Variants in COA8 observed in about 807,000 individuals in gnomAD.
COA8 encodes the protein UPF0671 protein C14orf153.
Under a neutral mutation model 22.0 loss-of-function variants are expected in COA8, and 20 were observed. The observed-to-expected ratio is 0.91, with a 90% CI of 0.64 to 1.32. The LOEUF (loss-of-function observed/expected upper bound fraction) is 1.32, where lower values mean the gene tolerates loss of function less well. Among genes scored for constraint, COA8 ranks in the 40% most tolerant of loss-of-function variants. The pLI is 0.00. For missense variants in COA8, 266 were observed against 230.0 expected, an observed-to-expected ratio of 1.16 and a Z score of -1.01; for synonymous variants, 105 against 79.9, an observed-to-expected ratio of 1.31 and a Z score of -1.68.
chr14:103,565,616 T>A (rs950791957), intron 1 of COA8, among the ~76,000 whole-genome samples: 3 of 151,024 alleles, frequency 2.0e-5, no homozygotes, highest in African/African-American at 4.9e-5. Flanking sequence ...CCTTTTTTTT[T>A]AATTTTTTTT....
intron 1 of COA8, 163 bp downstream of exon 1, chr14:103,563,287 C>T: frequency 2.1e-6 from 2 of 956,382 alleles, no homozygotes; most frequent in Non-Finnish European, 3.2e-6. Context: ...GCTCCCGCAT[C>T]AACGCCCTCA....
intron 3 of COA8, among the ~76,000 whole-genome samples, chr14:103,585,595 G>C (rs868008367): frequency 1.9e-5 from 1 of 52,584 alleles, no homozygotes; most frequent in Non-Finnish European, 3.9e-5. Context: ...TTTTTTTTTT[G>C]AAACAGAGTC....
chr14:103,588,442 T>C (rs889377840), intron 4 of COA8, among the ~76,000 whole-genome samples: 2 of 150,340 alleles, frequency 1.3e-5, no homozygotes, highest in African/African-American at 4.9e-5. Flanking sequence ...AGTAAGACCC[T>C]GTCTCAATAA....
intron 1 of COA8, among the ~76,000 whole-genome samples, chr14:103,569,524 T>A (rs78755177): frequency 0.021 from 3,177 of 152,292 alleles, 58 homozygotes; most frequent in Non-Finnish European, 0.029. Flanking sequence ...GGTGGCTCCT[T>A]TAACATTTCC....
intron 3 of COA8, among the ~76,000 whole-genome samples, chr14:103,577,715 C>CA (rs2076239275): frequency 6.6e-6 from 1 of 150,694 alleles, no homozygotes; most frequent in Non-Finnish European, 1.5e-5. Flanking sequence ...CCTTTGTCTA[C>CA]AAAAAATTTA....
intron 4 of COA8, among the ~76,000 whole-genome samples, chr14:103,588,735 A>G (rs2076329651): frequency 6.6e-6 from 1 of 151,956 alleles, no homozygotes; most frequent in African/African-American, 2.4e-5. Flanking sequence ...TCCCAGCTAC[A>G]GGAGGCTGAG....
At chr14:103,566,099 C>T (rs2076133333) in intron 1 of COA8, among the ~76,000 whole-genome samples, 1 of 152,176 alleles carries the variant, frequency 6.6e-6, no homozygotes, top group Non-Finnish European at 1.5e-5. Flanking sequence ...TTAACCCCAT[C>T]TTCTTTCTGG....
At position 103,590,260 on chromosome 14, in the gene COA8, C is replaced by G; in HGVS notation, c.556C>G (p.Gln186Glu). ...GGAAAGGATTTGGAACAAGCTTAAA[C>G]AGAAACAAAAGAAGAGGAGCAACTA... ...ALERIWNKLK[Q>E]KQKKRSN Residue 186 changes from glutamine to glutamate, a missense_variant, in exon 5 of 5, where the codon CAG becomes GAG. By Grantham distance (29) the Gln-to-Glu change is conservative (BLOSUM62 2). Transcript: ENST00000409074. 1 of 1,614,078 alleles carries G rather than the reference C, an allele frequency of 6.2e-7. No individual in the cohort carries two copies. Among genetic ancestry groups the G allele is most frequent in the Non-Finnish European group, 8.5e-7 (1 of 1,179,948 alleles).
chr14:103,571,853 T>C lies in COA8; in HGVS notation c.321+33T>C, dbSNP rs569674343. 1.8e-5 allele frequency: 29 copies of C among 1,591,956 alleles called. No homozygotes were observed. In the African/African-American group the frequency reaches 3.5e-4, roughly 19 times the overall value. ...TAAGTTTTAGATCAGAACGGAAGGG[T>C]GCGGTGGCTCACGCCTGTAATCCCA... On this transcript the variant is annotated intron_variant, in intron 2 of 4. Coordinates refer to ENST00000409074, the MANE Select transcript of COA8 (RefSeq NM_001370595.2).
chr14:103,573,970 A>G, intron 2 of COA8, 137 bp from the exon 3 acceptor site: 1 of 1,127,978 alleles, frequency 8.9e-7, no homozygotes, highest in South Asian at 1.8e-5. Context: ...GAGCTTTGAG[A>G]TGGGTCACTA....
rs192040402 is a variant in COA8, at chr14:103,588,070, C to T, written c.476+706C>T. On this transcript the variant is annotated intron_variant, in intron 4 of 4. Coordinates refer to ENST00000409074, the MANE Select transcript of COA8 (RefSeq NM_001370595.2). ...GGTGGAGGTTGCGGTGAGCTGAGAT[C>T]GTGCCATTGCACTCCAGTCTGGGCA... 1.1e-3 allele frequency: 260 copies of T among 229,702 alleles called. 5 individuals are homozygous for T. In the East Asian group the frequency reaches 0.014, roughly 12 times the overall value. The allele number at this position is 229,702 out of a possible 1,614,324, so 14.2% of individuals were successfully genotyped here.
In COA8 at chr14:103,571,734, T is replaced by C; in HGVS notation, c.235T>C (p.Leu79=). The C allele has an allele frequency of 6.2e-7, 1 of 1,614,178 alleles. No homozygotes were observed. The highest frequency in any genetic ancestry group is 8.5e-7 in the Non-Finnish European group (1 of 1,180,016). The change falls in exon 2 of 5, where the codon TTG becomes CTG. Residue 79 remains leucine, a synonymous_variant. Coordinates refer to ENST00000409074, the MANE Select transcript of COA8 (RefSeq NM_001370595.2). ...HFYIPENESP[L]EQKLRKLRQE... ...TTACATACCTGAAAATGAATCTCCA[T>C]TGGAACAAAAGCTTAGAAAATTAAG...
chr14:103,563,344 G>A, intron 1 of COA8: 2 of 711,924 alleles, frequency 2.8e-6, no homozygotes, highest in Non-Finnish European at 2.5e-6. Flanking sequence ...GGGGACTGTT[G>A]ACAGCCAGAA....
At position 103,574,783 on chromosome 14, in the gene COA8, C is replaced by T. The variant is rs189881974; in HGVS notation, c.385+613C>T. On this transcript the variant is annotated intron_variant, in intron 3 of 4. Transcript: ENST00000409074. Reference sequence around the variant, plus strand: ...TGGCTGCTGGAGAGGTGGGGTCTTGCGGGCCCTGGAGAGGTGGGGTCTTGT... The same window carrying T: ...TGGCTGCTGGAGAGGTGGGGTCTTGTGGGCCCTGGAGAGGTGGGGTCTTGT... 3 of 268,374 alleles carry T rather than the reference C, an allele frequency of 1.1e-5. No individual in the cohort carries two copies. The South Asian group carries it at 1.1e-4, about 10-fold the overall frequency. The allele number at this position is 268,374 out of a possible 1,614,324, so 16.6% of individuals were successfully genotyped here.
At position 103,590,346 on chromosome 14, in the gene COA8, C is replaced by G; in HGVS notation, c.*60C>G. Reference sequence around the variant, plus strand: ...CACAGGAAGCAGATGGAGCTCCTTTCACAGGGGCTCTGAGAAAAACTGGAG... The same window carrying G: ...CACAGGAAGCAGATGGAGCTCCTTTGACAGGGGCTCTGAGAAAAACTGGAG... On this transcript the variant is annotated 3_prime_UTR_variant, in exon 5 of 5. Transcript: ENST00000409074. 1 of 1,442,214 alleles carries G rather than the reference C, an allele frequency of 6.9e-7. No individual in the cohort carries two copies. The highest frequency in any genetic ancestry group is 9.6e-7 in the Non-Finnish European group (1 of 1,041,160). The allele number at this position is 1,442,214 out of a possible 1,614,324, so 89.3% of individuals were successfully genotyped here. A position where few individuals can be genotyped will look rare whatever the true frequency, so the allele number is the denominator to read the frequency against.
intron 1 of COA8, among the ~76,000 whole-genome samples, chr14:103,565,911 G>A (rs1342463883): frequency 6.6e-6 from 1 of 151,968 alleles, no homozygotes; most frequent in Non-Finnish European, 1.5e-5. Context: ...CACTGTGCCT[G>A]GCCCAAAGTC....
intron 4 of COA8, among the ~76,000 whole-genome samples, chr14:103,587,579 C>T (rs2151188234): frequency 6.8e-6 from 1 of 147,508 alleles, no homozygotes; most frequent in South Asian, 2.1e-4. Flanking sequence ...GCCATCTTGG[C>T]TCACTGCAAG....
Position 103,590,544 on chromosome 14 carries a change from T to A in COA8, c.*258T>A. On this transcript the variant is annotated 3_prime_UTR_variant, in exon 5 of 5. Coordinates refer to ENST00000409074, the MANE Select transcript of COA8 (RefSeq NM_001370595.2). ...AGCACTGGGTGCCCGTTTCCTGTGT[T>A]TCGAATTATACCAATTCAAAACAGA... is the stretch of plus-strand genomic sequence containing the variant. The A allele has an allele frequency of 2.4e-6, 1 of 411,714 alleles. No homozygotes were observed. The highest frequency in any genetic ancestry group is 4.4e-6 in the Non-Finnish European group (1 of 227,882). 25.5% of individuals were successfully genotyped at this position (411,714 alleles called of 1,614,324 possible). A position where few individuals can be genotyped will look rare whatever the true frequency, so the allele number is the denominator to read the frequency against.
intron 3 of COA8, among the ~76,000 whole-genome samples, chr14:103,583,541 CAAAAAAA>C (rs35726464): frequency 3.2e-4 from 17 of 53,102 alleles, no homozygotes; most frequent in Non-Finnish European, 4.2e-4. Context: ...GACTCGATCT[CAAAAAAA>C]AAAAAAAAAA....
Sources: gnomAD v4.1 joint callset for allele counts (sites outside exome capture counted in the v4.1 genomes callset) on GRCh38, gnomAD v4.1.1 for gene constraint, MANE v1.5 for transcripts, NCBI Gene and HGNC (gene_info 2026-07-23, HGNC 2026-07-21) for gene names.